Variants in EYS observed in about 807,000 individuals in gnomAD.
EYS encodes protein eyes shut homolog.
EYS carries 250 observed loss-of-function variants against 282.1 expected under a neutral mutation model. The observed-to-expected ratio is 0.89, with a 90% CI of 0.80 to 0.98. EYS has a LOEUF of 0.98. Among genes scored for constraint, EYS ranks in the 50% least tolerant of loss-of-function variants. The probability of loss-of-function intolerance (pLI) is 0.00; values close to 1 mark genes in which losing one functional copy is unlikely to be tolerated. For missense variants in EYS, 4,016 were observed against 3,709.0 expected, an observed-to-expected ratio of 1.08 and a Z score of -2.15; for synonymous variants, 1,355 against 1,282.9, an observed-to-expected ratio of 1.06 and a Z score of -1.20.
chr6:65,511,916 C>T (rs764155418), intron 2 of EYS, among the ~76,000 whole-genome samples: 10 of 136,076 alleles, frequency 7.3e-5, no homozygotes, highest in African/African-American at 2.3e-4. Flanking sequence ...GGGAGGCAGG[C>T]GGAGATTGCA....
At chr6:65,475,838 A>T (rs1765384478) in intron 5 of EYS, among the ~76,000 whole-genome samples, 2 of 151,982 alleles carry the variant, frequency 1.3e-5, no homozygotes, top group African/African-American at 4.8e-5. Context: ...CTTTCTCTTC[A>T]TGGAGTAATT....
At chr6:63,769,907 G>A (rs951744508) in intron 40 of EYS, among the ~76,000 whole-genome samples, 1 of 151,900 alleles carries the variant, frequency 6.6e-6, no homozygotes, top group Non-Finnish European at 1.5e-5. Context: ...GATAATAGAA[G>A]ATTTAATGTT....
At chr6:64,067,350 A>T (rs1482948837) in intron 32 of EYS, among the ~76,000 whole-genome samples, 3 of 152,144 alleles carry the variant, frequency 2.0e-5, no homozygotes, top group Non-Finnish European at 2.9e-5. Context: ...GGAAAGGACC[A>T]TCATCTGCAT....
intron 35 of EYS, among the ~76,000 whole-genome samples, chr6:63,949,304 C>T (rs1003184017): frequency 6.6e-6 from 1 of 152,168 alleles, no homozygotes; most frequent in Admixed American, 6.5e-5. Flanking sequence ...TTACACTATC[C>T]TACAAGTGTC....
intron 19 of EYS, among the ~76,000 whole-genome samples, chr6:64,874,422 T>G (rs1342956584): frequency 6.6e-6 from 1 of 152,126 alleles, no homozygotes; most frequent in African/African-American, 2.4e-5. Context: ...AGTAAGGATT[T>G]CCATACTTTA....
At chr6:65,210,888 T>C (rs1766159383) in intron 12 of EYS, among the ~76,000 whole-genome samples, 1 of 151,714 alleles carries the variant, frequency 6.6e-6, no homozygotes, top group Non-Finnish European at 1.5e-5. Context: ...AGTCCCTGCA[T>C]GCAGCCTTTC....
At chr6:64,018,933 C>T (rs987717173) in intron 33 of EYS, among the ~76,000 whole-genome samples, 1 of 151,838 alleles carries the variant, frequency 6.6e-6, no homozygotes, top group Non-Finnish European at 1.5e-5. Context: ...TGCCATCATG[C>T]CTGGTTAATT....
intron 19 of EYS, among the ~76,000 whole-genome samples, chr6:64,826,870 A>G (rs1765076940): frequency 6.6e-6 from 1 of 151,566 alleles, no homozygotes; most frequent in Non-Finnish European, 1.5e-5. Flanking sequence ...GAGAACCTCA[A>G]AACATACTTT....
At chr6:64,163,802 G>A (rs977236815) in intron 31 of EYS, among the ~76,000 whole-genome samples, 5 of 151,952 alleles carry the variant, frequency 3.3e-5, no homozygotes, top group African/African-American at 9.7e-5. Flanking sequence ...TTCTACTTTG[G>A]AATCCATTTT....
chr6:64,028,688 G>A (rs957582049), intron 33 of EYS, among the ~76,000 whole-genome samples: 22 of 152,174 alleles, frequency 1.4e-4, no homozygotes, highest in African/African-American at 4.8e-4. Flanking sequence ...GCCCTCATCT[G>A]TTTGGTCAGG....
At chr6:65,689,389 G>C (rs2149843469) in intron 1 of EYS, among the ~76,000 whole-genome samples, 1 of 149,820 alleles carries the variant, frequency 6.7e-6, no homozygotes, top group East Asian at 2.3e-4. Context: ...TGGGGGTAGG[G>C]GGGAGGGATA....
At chr6:64,964,127 C>G (rs1405041404) in intron 14 of EYS, among the ~76,000 whole-genome samples, 1 of 151,890 alleles carries the variant, frequency 6.6e-6, no homozygotes, top group African/African-American at 2.4e-5. Flanking sequence ...ACACACTTCT[C>G]ACACTATTTG....
rs1770332796 is a variant in EYS, at chr6:65,344,788, AG to A, written c.1460-612del. 2.6e-5 allele frequency among the ~76,000 whole-genome samples: 4 copies of A among 151,702 alleles called. No individual in the cohort carries two copies. The South Asian group carries it at 6.2e-4, about 24-fold the overall frequency. ...GTAAATCTCAGAATTGTAGGGAAAA[AG>A]GAGTTAATTAAACTGGGCTGAAAAC... is the stretch of plus-strand genomic sequence containing the variant. On this transcript the variant is annotated intron_variant, in intron 9 of 42. Transcript: ENST00000503581.
intron 15 of EYS, among the ~76,000 whole-genome samples, chr6:64,945,515 C>T (rs1769257942): frequency 6.6e-6 from 1 of 152,010 alleles, no homozygotes; most frequent in Non-Finnish European, 1.5e-5. Context: ...GTTAAGATGG[C>T]AAAAACATGT....
chr6:64,602,264 T>A (rs1051442775), intron 24 of EYS, among the ~76,000 whole-genome samples: 1 of 152,074 alleles, frequency 6.6e-6, no homozygotes, highest in South Asian at 2.1e-4. Flanking sequence ...TATAAAATTA[T>A]ATTTACAAAA....
intron 36 of EYS, among the ~76,000 whole-genome samples, chr6:63,843,823 C>T (rs764578442): frequency 7.9e-5 from 12 of 152,142 alleles, no homozygotes; most frequent in East Asian, 1.9e-4. Context: ...TGTTTGCAGA[C>T]GACATGATTG....
At chr6:64,267,090 A>G (rs1447155413) in intron 30 of EYS, among the ~76,000 whole-genome samples, 1 of 152,180 alleles carries the variant, frequency 6.6e-6, no homozygotes, top group Admixed American at 6.5e-5. Context: ...GTTGTTTTAC[A>G]TATGTAGGAC....
chr6:64,715,650 G>A (rs2149938391), intron 22 of EYS, among the ~76,000 whole-genome samples: 1 of 152,238 alleles, frequency 6.6e-6, no homozygotes, highest in East Asian at 1.9e-4. Context: ...AGGTGATGAT[G>A]TACCAACTGG....
intron 35 of EYS, among the ~76,000 whole-genome samples, chr6:63,879,913 A>C (rs1773081855): frequency 6.6e-6 from 1 of 152,192 alleles, no homozygotes; most frequent in South Asian, 2.1e-4. Flanking sequence ...ATTTGAAGTC[A>C]TAACATTTTT....
Sources: gnomAD v4.1 joint callset for allele counts (sites outside exome capture counted in the v4.1 genomes callset) on GRCh38, gnomAD v4.1.1 for gene constraint, MANE v1.5 for transcripts, NCBI Gene and HGNC (gene_info 2026-07-23, HGNC 2026-07-21) for gene names.